Variants in ANKDD1B observed in about 807,000 individuals in gnomAD.
ANKDD1B encodes ankyrin repeat and death domain-containing protein 1B.
In ANKDD1B, 57 loss-of-function variants were observed where a neutral mutation model predicts 59.7. That is an observed-to-expected ratio of 0.95 (90% CI 0.77 to 1.19). The LOEUF is 1.19. Among genes scored for constraint, ANKDD1B ranks in the 50% most tolerant of loss-of-function variants. The pLI is 0.00. For synonymous variants in ANKDD1B, 216 were observed against 239.5 expected (o/e 0.90, Z 0.91); for missense variants, 602 against 641.9 (o/e 0.94, Z 0.67).
chr5:75,613,490 A>G (rs1365371727), intron 1 of ANKDD1B, among the ~76,000 whole-genome samples: 4 of 152,202 alleles, frequency 2.6e-5, no homozygotes, highest in Admixed American at 2.6e-4. Flanking sequence ...CTGCATATAT[A>G]AATGAAGGTA....
chr5:75,655,467 G>A (rs1354526469), intron 8 of ANKDD1B, among the ~76,000 whole-genome samples: 1 of 152,210 alleles, frequency 6.6e-6, no homozygotes. Flanking sequence ...CAATGATTTT[G>A]CCCTTGTGGC....
Position 75,653,235 on chromosome 5 carries a change from G to C in ANKDD1B, c.892G>C (p.Val298Leu). The change falls in exon 8 of 14, where the codon GTG becomes CTG. Residue 298 changes from valine (V) to leucine (L), a missense_variant. Coordinates refer to ENST00000601380, the MANE Select transcript of ANKDD1B (RefSeq NM_001276713.2). ...TGAGAACGTTGATCTGCACCAGAAA[G>C]TGGAAGTGAGTTTATTCCAATGACA... ...LSENVDLHQKVEPKESPLHLV... is the reference protein window; with the variant it reads ...LSENVDLHQKLEPKESPLHLV... The C allele has an allele frequency of 6.5e-7, 1 of 1,535,672 alleles. No individual in the cohort carries two copies. Among genetic ancestry groups the C allele is most frequent in the Non-Finnish European group, 8.7e-7 (1 of 1,146,512 alleles).
intron 3 of ANKDD1B, among the ~76,000 whole-genome samples, chr5:75,622,317 G>A (rs1012273743): frequency 6.6e-6 from 1 of 152,158 alleles, no homozygotes; most frequent in Non-Finnish European, 1.5e-5. Context: ...CCCACCCCAG[G>A]CCTTAATCAG....
chr5:75,625,675 C>G lies in ANKDD1B; in HGVS notation c.425C>G (p.Ala142Gly), dbSNP rs1773973915. 3 of 1,536,330 alleles carry G rather than the reference C, an allele frequency of 2.0e-6. No individual in the cohort carries two copies. The highest frequency in any genetic ancestry group is 2.6e-6 in the Non-Finnish European group (3 of 1,146,986). Reference sequence around the variant, plus strand: ...GGCTTGACAGTAATTCACCTTGCAGCCTGGTCTGGGAGCCTTGAGGTCATG... The same window carrying G: ...GGCTTGACAGTAATTCACCTTGCAGGCTGGTCTGGGAGCCTTGAGGTCATG... ...KHGLTVIHLA[A>G]WSGSLEVMLM... Residue 142 changes from alanine to glycine, a missense_variant, in exon 4 of 14, where the codon GCC (alanine) becomes GGC (glycine). Around this residue, in one of 3 missense-constraint regions of ANKDD1B, gnomAD observed 317 missense variants for 304.6 expected, o/e 1.04. Coordinates refer to ENST00000601380, the MANE Select transcript of ANKDD1B (RefSeq NM_001276713.2).
At position 75,625,620 on chromosome 5, in the gene ANKDD1B, T is replaced by G. The variant is rs933607430; in HGVS notation, c.397-27T>G. 3.9e-6 allele frequency: 6 copies of G among 1,523,672 alleles called. No homozygotes were observed. The Admixed American group carries it at 9.8e-5, about 25-fold the overall frequency. 94.4% of individuals were successfully genotyped at this position (1,523,672 alleles called of 1,614,324 possible). A position where few individuals can be genotyped will look rare whatever the true frequency, so the allele number is the denominator to read the frequency against. ...GGCTGCAGCTTGTCAGAGTGATAGATTCTCTTTTTCTGTCTTCTTGGGGAA... is the reference window on the plus strand; with the variant it reads ...GGCTGCAGCTTGTCAGAGTGATAGAGTCTCTTTTTCTGTCTTCTTGGGGAA... On this transcript the variant is annotated intron_variant, in intron 3 of 13. Coordinates refer to ENST00000601380, the MANE Select transcript of ANKDD1B (RefSeq NM_001276713.2).
intron 2 of ANKDD1B, among the ~76,000 whole-genome samples, chr5:75,618,236 G>A (rs2878519): frequency 0.27 from 40,868 of 152,100 alleles, 5,925 homozygotes; most frequent in South Asian, 0.43. Context: ...AAAAATATTT[G>A]TGGATAGATA....
At chr5:75,637,259 A>G (rs1259429003) in intron 7 of ANKDD1B, among the ~76,000 whole-genome samples, 1 of 146,360 alleles carries the variant, frequency 6.8e-6, no homozygotes. Context: ...AAAAAAAAAA[A>G]AAAAAAAAAA....
intron 1 of ANKDD1B, among the ~76,000 whole-genome samples, chr5:75,616,295 T>C (rs1035662487): frequency 1.3e-5 from 2 of 152,272 alleles, no homozygotes; most frequent in Non-Finnish European, 2.9e-5. Context: ...TGTTTTTATA[T>C]AAATGAGAAT....
intron 12 of ANKDD1B, among the ~76,000 whole-genome samples, chr5:75,668,497 G>T (rs953635688): frequency 1.3e-5 from 2 of 152,150 alleles, no homozygotes; most frequent in Non-Finnish European, 2.9e-5. Flanking sequence ...TCCCTGAAAT[G>T]CCCGCTTCTC....
chr5:75,640,142 C>T (rs1215916922), intron 7 of ANKDD1B, among the ~76,000 whole-genome samples: 1 of 152,070 alleles, frequency 6.6e-6, no homozygotes, highest in East Asian at 1.9e-4. Context: ...ATCCTGGGCT[C>T]AGGTGATCCT....
At chr5:75,654,461 A>T (rs767032646) in intron 8 of ANKDD1B, among the ~76,000 whole-genome samples, 24 of 152,300 alleles carry the variant, frequency 1.6e-4, no homozygotes, top group Non-Finnish European at 3.1e-4. Flanking sequence ...CTGGTGTTTA[A>T]AACAGAGTAT....
rs192551994 is a variant in ANKDD1B at position 75,618,701 on chromosome 5, C to T, written c.298-1614C>T. Reference sequence around the variant, plus strand: ...CCATATTTGACATAGTAGAGCAAAGCTCCAGATTTCAGACAAAGTCATAAT... The same window carrying T: ...CCATATTTGACATAGTAGAGCAAAGTTCCAGATTTCAGACAAAGTCATAAT... On this transcript the variant is annotated intron_variant, in intron 2 of 13. Coordinates refer to ENST00000601380, the MANE Select transcript of ANKDD1B (RefSeq NM_001276713.2). 9.2e-5 allele frequency among the ~76,000 whole-genome samples: 14 copies of T among 152,228 alleles called. 1 individual carries two copies. The highest frequency in any genetic ancestry group is 3.4e-4 in the African/African-American group (14 of 41,550).
intron 9 of ANKDD1B, among the ~76,000 whole-genome samples, chr5:75,657,904 A>G (rs1775016855): frequency 1.3e-5 from 2 of 151,878 alleles, no homozygotes; most frequent in Non-Finnish European, 2.9e-5. Flanking sequence ...CTCAAGAAAA[A>G]AAAAAAAAAA....
intron 3 of ANKDD1B, 47 bp from the exon 4 acceptor site, chr5:75,625,600 C>T: frequency 6.9e-7 from 1 of 1,454,152 alleles, no homozygotes; most frequent in Non-Finnish European, 9.3e-7. Context: ...TATATGGCTG[C>T]AGCTTGTCAG....
At position 75,635,617 on chromosome 5, in the gene ANKDD1B, T is replaced by G. The variant is rs183712450; in HGVS notation, c.700-167T>G. 4 of 411,048 alleles carry G rather than the reference T, an allele frequency of 9.7e-6. No homozygotes were observed. The East Asian group carries it at 1.1e-4, about 11-fold the overall frequency. 25.5% of individuals were successfully genotyped at this position (411,048 alleles called of 1,614,324 possible). ...AAACTATACCTTTTTATTTAAAACT[T>G]AAAAATGTATAAATTTCACTTAAAA... On this transcript the variant is annotated intron_variant, in intron 6 of 13. Coordinates refer to ENST00000601380, the MANE Select transcript of ANKDD1B (RefSeq NM_001276713.2).
rs533622905 is a variant in ANKDD1B, at chr5:75,640,175, C to T, written c.798+4293C>T. ...CCTCTCACCTCAGCCTCCTGAGTAG[C>T]TGGGACTATAGGCATCCACCACCAT... On this transcript the variant is annotated intron_variant, in intron 7 of 13. Coordinates refer to ENST00000601380, the MANE Select transcript of ANKDD1B (RefSeq NM_001276713.2). Among the ~76,000 whole-genome samples, 16 of 152,146 alleles carry T rather than the reference C, an allele frequency of 1.1e-4. 1 individual carries two copies. Among genetic ancestry groups the T allele is most frequent in the Admixed American group, 9.8e-4 (15 of 15,284 alleles).
At chr5:75,631,317 C>T (rs997351140) in intron 5 of ANKDD1B, among the ~76,000 whole-genome samples, 4 of 152,178 alleles carry the variant, frequency 2.6e-5, no homozygotes, top group Non-Finnish European at 5.9e-5. Flanking sequence ...CCTCTGTGTC[C>T]TTGCAAACTA....
Position 75,635,768 on chromosome 5 carries a change from TG to T in ANKDD1B, c.700-15del, listed in dbSNP as rs1432654012. The stretch of plus-strand genomic sequence containing the variant: ...CTGGCACAGGGGTTTCTACGTCGAG[TG>T]TGTCTCTGTTGCAGGGGGGAAACAC... On this transcript the variant is annotated splice_polypyrimidine_tract_variant and intron_variant, in intron 6 of 13. Coordinates refer to ENST00000601380, the MANE Select transcript of ANKDD1B (RefSeq NM_001276713.2). 20 of 1,497,526 alleles carry T rather than the reference TG, an allele frequency of 1.3e-5. No individual in the cohort carries two copies. Among genetic ancestry groups the T allele is most frequent in the Middle Eastern group, 1.7e-4 (1 of 5,918 alleles). 92.8% of individuals were successfully genotyped at this position (1,497,526 alleles called of 1,614,324 possible). A position where few individuals can be genotyped will look rare whatever the true frequency, so the allele number is the denominator to read the frequency against.
chr5:75,618,116 AAAAG>A (rs1438984788), intron 2 of ANKDD1B, among the ~76,000 whole-genome samples: 2 of 152,200 alleles, frequency 1.3e-5, no homozygotes, highest in Non-Finnish European at 1.5e-5. Flanking sequence ...AAAAGAAAAA[AAAAG>A]AAAGGAATCA....
Sources: gnomAD v4.1 joint callset for allele counts (sites outside exome capture counted in the v4.1 genomes callset) on GRCh38, gnomAD v4.1.1 for gene constraint, gnomAD v4.1.1 regional missense constraint, MANE v1.5 for transcripts, NCBI Gene and HGNC (gene_info 2026-07-23, HGNC 2026-07-21) for gene names.